The following ADAP1 variants were observed in gnomAD, a reference collection of about 807,000 sequenced individuals.
ADAP1 encodes the protein arf-GAP with dual PH domain-containing protein 1.
In ADAP1, 31 loss-of-function variants were observed where a neutral mutation model predicts 54.9. The observed-to-expected ratio is 0.56, with a 90% CI of 0.42 to 0.76. The LOEUF (loss-of-function observed/expected upper bound fraction) is 0.76, where lower values mean the gene tolerates loss of function less well. Ranked by LOEUF, ADAP1 falls within the 30% of genes least tolerant of loss-of-function variation. The pLI is 0.00. For missense variants in ADAP1, 535 were observed against 512.4 expected (o/e 1.04, Z -0.42); for synonymous variants, 313 against 202.6 (o/e 1.55, Z -4.63).
chr7:917,776 T>C (rs1457873831), intron 4 of ADAP1, among the ~76,000 whole-genome samples: 2 of 152,016 alleles, frequency 1.3e-5, no homozygotes, highest in Non-Finnish European at 2.9e-5. Flanking sequence ...ACGATTCATC[T>C]TTTTTCTTGT....
chr7:904,180 G>T lies in ADAP1; in HGVS notation c.594C>A (p.Thr198=). 6.2e-7 allele frequency: 1 copy of T among 1,612,522 alleles called. No individual in the cohort carries two copies. Among genetic ancestry groups the T allele is most frequent in the South Asian group, 1.1e-5 (1 of 91,084 alleles). Residue 198 remains threonine, a synonymous_variant, in exon 6 of 11, where the codon ACC becomes ACA. Transcript: ENST00000265846. The stretch of plus-strand genomic sequence containing the variant: ...TACGGGTGCTGTTGTCCTTCAGGTA[G>T]GTGACCTGCAGGCCGTGGGGGTGGC... ...KIGHPHGLQV[T]YLKDNSTRNI...
intron 1 of ADAP1, among the ~76,000 whole-genome samples, chr7:947,797 C>T (rs1453038285): frequency 1.3e-5 from 2 of 152,058 alleles, no homozygotes; most frequent in South Asian, 2.1e-4. Flanking sequence ...GGACACTCCT[C>T]GGCTCACAGA....
intron 4 of ADAP1, among the ~76,000 whole-genome samples, chr7:911,908 G>A (rs999167458): frequency 6.6e-5 from 10 of 152,018 alleles, no homozygotes; most frequent in Non-Finnish European, 1.0e-4. Context: ...CCGTCCCCCC[G>A]AGGGGCAGCC....
rs1377303623 is a variant in ADAP1, at chr7:938,155, G to A, written c.83-2650C>T. Among the ~76,000 whole-genome samples, 1 of 152,074 alleles carries A rather than the reference G, an allele frequency of 6.6e-6. No individual in the cohort carries two copies. The highest frequency in any genetic ancestry group is 1.5e-5 in the Non-Finnish European group (1 of 68,042). ...AGGATCAGCCGTTGTTTGGTTTTGC[G>A]GGGTTTTTTTTGTCTTGTATTGTAT... On this transcript the variant is annotated intron_variant, in intron 1 of 10. Transcript: ENST00000265846. This position sits in a 1 kb window ranked among gnomAD's most constrained non-coding sequence, Gnocchi z 4.4.
intron 3 of ADAP1, among the ~76,000 whole-genome samples, chr7:921,968 C>T (rs1293507691): frequency 6.6e-6 from 1 of 152,216 alleles, no homozygotes; most frequent in Non-Finnish European, 1.5e-5. Context: ...ACAAGGGCAT[C>T]CCAGGGCCTG....
chr7:953,863 G>A (rs1405529913), intron 1 of ADAP1, among the ~76,000 whole-genome samples: 1 of 152,196 alleles, frequency 6.6e-6, no homozygotes, highest in Admixed American at 6.5e-5. Context: ...ACCTGTCCTG[G>A]CGCCCGCCCC....
In ADAP1 at chr7:920,672, G is replaced by A. The variant is rs1846157900; in HGVS notation, c.306-622C>T. The A allele has an allele frequency of 4.6e-6, 4 of 875,854 alleles. No individual in the cohort carries two copies. In the African/African-American group the frequency reaches 5.1e-5, roughly 11 times the overall value. 54.3% of individuals were successfully genotyped at this position (875,854 alleles called of 1,614,324 possible). A position where few individuals can be genotyped will look rare whatever the true frequency, so the allele number is the denominator to read the frequency against. On this transcript the variant is annotated intron_variant, in intron 3 of 10. Transcript: ENST00000265846. The surrounding 1 kb of genome is among the most constrained non-coding windows in gnomAD (Gnocchi z 4.5). Reference sequence around the variant, plus strand: ...AGAATCCAGGAAGACCCGGGATGAGGAGAAGCCCCCGAGAGTAAAGCCCGG... The same window carrying A: ...AGAATCCAGGAAGACCCGGGATGAGAAGAAGCCCCCGAGAGTAAAGCCCGG...
chr7:950,417 C>T (rs1349261120), intron 1 of ADAP1, among the ~76,000 whole-genome samples: 2 of 144,176 alleles, frequency 1.4e-5, no homozygotes, highest in Admixed American at 1.4e-4. Context: ...GCCTGGGAGG[C>T]GGAGCTTGCA....
chr7:954,382 C>T lies in ADAP1; in HGVS notation c.82+14G>A. 1 of 1,087,072 alleles carries T rather than the reference C, an allele frequency of 9.2e-7. No individual in the cohort carries two copies. Among genetic ancestry groups the T allele is most frequent in the Non-Finnish European group, 1.1e-6 (1 of 893,294 alleles). The allele number at this position is 1,087,072 out of a possible 1,614,324, so 67.3% of individuals were successfully genotyped here. On this transcript the variant is annotated intron_variant, in intron 1 of 10. Transcript: ENST00000265846. ...GGACCCACCCGGCCCCGCGCCCACC[C>T]GGCCCACACCTACCCGGGGCGCCGC...
chr7:936,641 C>T (rs1203933881), intron 1 of ADAP1, among the ~76,000 whole-genome samples: 3 of 152,240 alleles, frequency 2.0e-5, no homozygotes, highest in African/African-American at 7.2e-5. Context: ...CTCCCAACGA[C>T]CCTTCACAAT....
In ADAP1 at chr7:904,198, G is replaced by C. The variant is rs766566324; in HGVS notation, c.576C>G (p.Pro192=). ...TCAGGTAGGTGACCTGCAGGCCGTG[G>C]GGGTGGCCGATCTTGGCCGGCTGGA... The part of the protein sequence containing the change: ...ATFQPAKIGH[P]HGLQVTYLKD... Residue 192 remains proline (P), a synonymous_variant, in exon 6 of 11, where the codon CCC becomes CCG. Coordinates refer to ENST00000265846, the MANE Select transcript of ADAP1 (RefSeq NM_006869.4). The C allele has an allele frequency of 6.2e-6, 10 of 1,612,014 alleles. No homozygotes were observed. The East Asian group carries it at 1.6e-4, about 25-fold the overall frequency.
chr7:920,594 G>C lies in ADAP1; in HGVS notation c.306-544C>G, dbSNP rs570216445. Among the ~76,000 whole-genome samples, 1 of 152,030 alleles carries C rather than the reference G, an allele frequency of 6.6e-6. No individual in the cohort carries two copies. Among genetic ancestry groups the C allele is most frequent in the South Asian group, 2.1e-4 (1 of 4,824 alleles). ...ACAGGACGGAGCTATCAGGGCACCC[G>C]TCGAGGTCAGGAGGCGTCCGGGGCA... is the stretch of plus-strand genomic sequence containing the variant. On this transcript the variant is annotated intron_variant, in intron 3 of 10. Transcript: ENST00000265846. The surrounding 1 kb of genome is among the most constrained non-coding windows in gnomAD (Gnocchi z 4.5).
chr7:904,954 G>A (rs1420117229), intron 5 of ADAP1, 106 bp downstream of exon 5: 4 of 959,324 alleles, frequency 4.2e-6, no homozygotes, highest in South Asian at 4.2e-5. Context: ...GGGGGGGGCA[G>A]CAGGGAGGGC....
chr7:947,132 T>C (rs1266522145), intron 1 of ADAP1, among the ~76,000 whole-genome samples: 3 of 151,710 alleles, frequency 2.0e-5, no homozygotes, highest in African/African-American at 7.3e-5. Flanking sequence ...CTCGGCCTCC[T>C]GGGCTCAGGT....
At position 899,251 on chromosome 7, in the gene ADAP1, G is replaced by A. The variant is rs1196480859; in HGVS notation, c.878C>T (p.Ala293Val). The A allele has an allele frequency of 9.3e-6, 15 of 1,612,636 alleles. No individual in the cohort carries two copies. The highest frequency in any genetic ancestry group is 1.3e-5 in the Non-Finnish European group (15 of 1,179,960). The change falls in exon 10 of 11, where the codon GCC becomes GTC. Residue 293 changes from alanine to valine, a missense_variant. Transcript: ENST00000265846. ...MYFKDPLDAF[A>V]RGEVFIGSKE... ...GCTGCCAATGAAGACTTCCCCTCGG[G>A]CGAAGGCGTCCTGTGGGTGGGGACC...
chr7:906,760 A>AGGGGACATCGGGGATGGGACATGGAC (rs1845456034), intron 4 of ADAP1, among the ~76,000 whole-genome samples: 1 of 24,244 alleles, frequency 4.1e-5, no homozygotes, highest in African/African-American at 2.0e-4. Context: ...GGACATGGAC[A>AGGGGACATCGGGGATGGGACATGGAC]GGGGACATGG....
intron 4 of ADAP1, among the ~76,000 whole-genome samples, chr7:906,734 G>T (rs541449326): frequency 0.12 from 4,632 of 37,772 alleles, 411 homozygotes; most frequent in Non-Finnish European, 0.16. Flanking sequence ...GGGACATGGG[G>T]GACAGAGTAC....
intron 2 of ADAP1, among the ~76,000 whole-genome samples, chr7:933,342 C>T (rs1009378595): frequency 2.6e-5 from 4 of 152,218 alleles, no homozygotes; most frequent in South Asian, 2.1e-4. Flanking sequence ...GGATTACAGG[C>T]ACCACCCCCA....
At chr7:908,031 C>T (rs927765476) in intron 4 of ADAP1, among the ~76,000 whole-genome samples, 1 of 152,212 alleles carries the variant, frequency 6.6e-6, no homozygotes, top group Admixed American at 6.5e-5. Context: ...TCCGTGACCC[C>T]TCAGTGACTT....
Sources: gnomAD v4.1 joint callset for allele counts (sites outside exome capture counted in the v4.1 genomes callset) on GRCh38, gnomAD v4.1.1 for gene constraint, Gnocchi (gnomAD v3.1) non-coding constraint, MANE v1.5 for transcripts, NCBI Gene and HGNC (gene_info 2026-07-23, HGNC 2026-07-21) for gene names.